Variants in NUMA1 observed in about 807,000 individuals in gnomAD.
The protein encoded by NUMA1 is SP-H antigen.
A neutral mutation model predicts 237.1 loss-of-function variants in NUMA1; 62 were observed. The observed-to-expected ratio is 0.26, with a 90% CI of 0.21 to 0.32. NUMA1 has a LOEUF of 0.32. Ranked by LOEUF, NUMA1 falls within the 10% of genes least tolerant of loss-of-function variation. NUMA1 has a pLI of 1.00. For synonymous variants in NUMA1, 1,028 were observed against 1,066.1 expected (o/e 0.96, Z 0.70); for missense variants, 2,533 against 2,666.5 (o/e 0.95, Z 1.10).
chr11:72,074,329 G>A (rs1943606331), intron 1 of NUMA1, among the ~76,000 whole-genome samples: 1 of 152,092 alleles, frequency 6.6e-6, no homozygotes, highest in South Asian at 2.1e-4. Context: ...CTCCAGTCTG[G>A]GTGATAGAGA....
chr11:72,054,143 A>G (rs1030671931), intron 2 of NUMA1, among the ~76,000 whole-genome samples: 2 of 152,146 alleles, frequency 1.3e-5, no homozygotes, highest in East Asian at 1.9e-4. Flanking sequence ...GAACAAATAA[A>G]TGAACATGTG....
intron 7 of NUMA1, among the ~76,000 whole-genome samples, chr11:72,021,785 A>T (rs1045590839): frequency 2.6e-5 from 4 of 152,128 alleles, no homozygotes; most frequent in African/African-American, 9.7e-5. Context: ...TTTTAAAAAA[A>T]ATATTTTTTG....
At chr11:72,042,533 G>A (rs544318384) in intron 2 of NUMA1, among the ~76,000 whole-genome samples, 1 of 152,164 alleles carries the variant, frequency 6.6e-6, no homozygotes, top group Non-Finnish European at 1.5e-5. Context: ...CATTTCCCCA[G>A]ATGGAAACAG....
intron 7 of NUMA1, 129 bp downstream of exon 7, chr11:72,022,210 G>A (rs1438442496): frequency 3.4e-5 from 20 of 595,868 alleles, no homozygotes; most frequent in Non-Finnish European, 5.9e-5. Context: ...GACTTTCTAT[G>A]ATGAATGGCA....
chr11:72,046,594 G>GGAGAGA (rs138787982), intron 2 of NUMA1, among the ~76,000 whole-genome samples: 2 of 149,520 alleles, frequency 1.3e-5, no homozygotes, highest in Non-Finnish European at 3.0e-5. Context: ...GCGGGGAGAG[G>GGAGAGA]GAGAGAGAGA....
chr11:72,029,308 C>G lies in NUMA1; in HGVS notation c.43-18G>C, dbSNP rs1359963746. 1 of 1,561,026 alleles carries G rather than the reference C, an allele frequency of 6.4e-7. No homozygotes were observed. Among genetic ancestry groups the G allele is most frequent in the Admixed American group, 1.7e-5 (1 of 57,668 alleles). ...CTGTTCACCTGTAAATCAAAGGGAA[C>G]AGCCTAGTGAGACCGTTAGAAGCAA... is the stretch of plus-strand genomic sequence containing the variant. On this transcript the variant is annotated intron_variant, in intron 3 of 26. Coordinates refer to ENST00000393695, the MANE Select transcript of NUMA1 (RefSeq NM_006185.4).
At chr11:72,052,890 T>C (rs773865900) in intron 2 of NUMA1, among the ~76,000 whole-genome samples, 2 of 152,162 alleles carry the variant, frequency 1.3e-5, no homozygotes, top group Non-Finnish European at 2.9e-5. Flanking sequence ...GGGAGCAGCA[T>C]GATCAGGGCT....
chr11:72,003,679 G>T, intron 26 of NUMA1, 141 bp from the exon 27 acceptor site: 1 of 1,165,860 alleles, frequency 8.6e-7, no homozygotes. Context: ...GTTGCTGGCT[G>T]TGCCTGAGCA....
At chr11:72,026,212 G>A (rs1939561158) in intron 4 of NUMA1, among the ~76,000 whole-genome samples, 1 of 152,186 alleles carries the variant, frequency 6.6e-6, no homozygotes, top group African/African-American at 2.4e-5. Context: ...ATCTCTGTCA[G>A]GAAGCCATCC....
At chr11:72,043,505 G>C (rs1941819238) in intron 2 of NUMA1, among the ~76,000 whole-genome samples, 1 of 149,176 alleles carries the variant, frequency 6.7e-6, no homozygotes, top group East Asian at 2.0e-4. Flanking sequence ...GGGAGTACAG[G>C]TGTGTGCCAC....
chr11:72,076,891 T>TGA (rs1943735542), intron 1 of NUMA1: 1 of 151,980 alleles, frequency 6.6e-6, no homozygotes, highest in African/African-American at 2.4e-5. Context: ...TCAACTTTCT[T>TGA]GAAAATTATT....
At position 72,006,032 on chromosome 11, in the gene NUMA1, C is replaced by T; in HGVS notation, c.5692+3G>A. On this transcript the variant is annotated splice_donor_region_variant and intron_variant, in intron 22 of 26. Coordinates refer to ENST00000393695, the MANE Select transcript of NUMA1 (RefSeq NM_006185.4). ...GTATAGTAAGTCCCTGTAGTCCCCTCACCTGGAGGGGCCCCACTGGACACC... is the reference window on the plus strand; with the variant it reads ...GTATAGTAAGTCCCTGTAGTCCCCTTACCTGGAGGGGCCCCACTGGACACC... 1 of 1,609,212 alleles carries T rather than the reference C, an allele frequency of 6.2e-7. No individual in the cohort carries two copies. Among genetic ancestry groups the T allele is most frequent in the Non-Finnish European group, 8.5e-7 (1 of 1,176,354 alleles).
intron 8 of NUMA1, chr11:72,020,709 C>CA (rs1261968795): frequency 6.6e-6 from 1 of 152,526 alleles, no homozygotes; most frequent in African/African-American, 2.4e-5. Context: ...CCCGTCTCTA[C>CA]AAAAAATACA....
chr11:72,004,290 G>A lies in NUMA1; in HGVS notation c.6058C>T (p.His2020Tyr). The A allele has an allele frequency of 6.2e-7, 1 of 1,613,496 alleles. No individual in the cohort carries two copies. The highest frequency in any genetic ancestry group is 8.5e-7 in the Non-Finnish European group (1 of 1,179,882). The change falls in exon 25 of 27, where the codon CAT becomes TAT. Residue 2020 changes from histidine to tyrosine, a missense_variant. His to Tyr is a moderately conservative substitution (Grantham distance 83). Coordinates refer to ENST00000393695, the MANE Select transcript of NUMA1 (RefSeq NM_006185.4). ...FPRPMTPRDR[H>Y]EGRKQSTTEA... ...GTAGTGCTCTGTTTGCGCCCTTCAT[G>A]TCGGTCTCGGGGAGTCATGGGGCGT...
intron 6 of NUMA1, among the ~76,000 whole-genome samples, chr11:72,022,633 C>G (rs1022701137): frequency 6.7e-6 from 1 of 150,234 alleles, no homozygotes; most frequent in Non-Finnish European, 1.5e-5. Context: ...AAAAGCTGAG[C>G]GCCAAGATTC....
chr11:72,080,271 C>G (rs1219023869), intron 1 of NUMA1, 187 bp downstream of exon 1: 1 of 39,696 alleles, frequency 2.5e-5, no homozygotes. Context: ...AAGGCACCCC[C>G]CCCCCCCCCG....
At position 72,010,859 on chromosome 11, in the gene NUMA1, G is replaced by T; in HGVS notation, c.4651-5C>A. On this transcript the variant is annotated splice_polypyrimidine_tract_variant and splice_region_variant and intron_variant, in intron 16 of 26. Coordinates refer to ENST00000393695, the MANE Select transcript of NUMA1 (RefSeq NM_006185.4). ...TTTCTTACTCAGTTCTTCCACCTGG[G>T]GAGGGAAGAGGAGGACAGAAGACTC... 1 of 1,613,354 alleles carries T rather than the reference G, an allele frequency of 6.2e-7. No homozygotes were observed. Among genetic ancestry groups the T allele is most frequent in the Non-Finnish European group, 8.5e-7 (1 of 1,179,492 alleles).
intron 2 of NUMA1, chr11:72,049,629 T>C (rs1426943727): frequency 7.6e-6 from 1 of 131,278 alleles, no homozygotes; most frequent in Non-Finnish European, 1.6e-5. Flanking sequence ...TATTCATCTA[T>C]CTATAGATAG....
chr11:72,058,067 A>G (rs1942758766), intron 2 of NUMA1, among the ~76,000 whole-genome samples: 2 of 152,128 alleles, frequency 1.3e-5, no homozygotes, highest in Non-Finnish European at 2.9e-5. Flanking sequence ...GCAAAACTAC[A>G]TCTCAAAAAA....
Sources: gnomAD v4.1 joint callset for allele counts (sites outside exome capture counted in the v4.1 genomes callset) on GRCh38, gnomAD v4.1.1 for gene constraint, MANE v1.5 for transcripts, NCBI Gene and HGNC (gene_info 2026-07-23, HGNC 2026-07-21) for gene names.